The following TRAFD1 variants were observed in gnomAD, a reference collection of about 807,000 sequenced individuals.
TRAFD1 encodes TRAF-type zinc finger domain containing 1, also known as TRAF-type zinc finger domain-containing protein 1.
Under a neutral mutation model 65.3 loss-of-function variants are expected in TRAFD1, and 38 were observed. The observed-to-expected ratio is 0.58, with a 90% CI of 0.45 to 0.76. TRAFD1 has a LOEUF of 0.76. Ranked by LOEUF, TRAFD1 falls within the 30% of genes least tolerant of loss-of-function variation. TRAFD1 has a pLI of 0.00. For synonymous variants in TRAFD1, 223 were observed against 257.2 expected (o/e 0.87, Z 1.27); for missense variants, 631 against 712.6 (o/e 0.89, Z 1.30).
At position 112,148,115 on chromosome 12, in the gene TRAFD1, T is replaced by C. The variant is rs533363769; in HGVS notation, c.969T>C (p.Thr323=). 1.2e-4 allele frequency: 190 copies of C among 1,614,204 alleles called. 2 individuals are homozygous for C. The South Asian group carries it at 2.0e-3, about 17-fold the overall frequency. ...CACGTGCCTTACCTTCACTCAATAC[T>C]GGCAGCTCTTCCCCCAGAGGGGTGG... ...NPSRALPSLN[T]GSSSPRGVEE... The change falls in exon 8 of 12, where the codon ACT becomes ACC. Residue 323 remains threonine, a synonymous_variant. Transcript: ENST00000412615.
chr12:112,132,160 A>G (rs1004425271), intron 2 of TRAFD1, among the ~76,000 whole-genome samples: 1 of 152,198 alleles, frequency 6.6e-6, no homozygotes, highest in African/African-American at 2.4e-5. Context: ...TTTAATTTTC[A>G]TGGCATTTGT....
chr12:112,140,432 A>G (rs1439016876), intron 4 of TRAFD1, among the ~76,000 whole-genome samples: 5 of 151,842 alleles, frequency 3.3e-5, no homozygotes, highest in Non-Finnish European at 7.4e-5. Flanking sequence ...AAAAAAAAAA[A>G]AAAAAAGACT....
chr12:112,146,474 C>T (rs987191392), intron 7 of TRAFD1, among the ~76,000 whole-genome samples: 3 of 152,132 alleles, frequency 2.0e-5, no homozygotes, highest in Non-Finnish European at 4.4e-5. Context: ...CTCCACTATC[C>T]GTTTTGTGAT....
At chr12:112,149,658 C>T in intron 8 of TRAFD1, 93 bp from the exon 9 acceptor site, 11 of 1,528,414 alleles carry the variant, frequency 7.2e-6, no homozygotes, top group East Asian at 2.3e-5. Context: ...AGTCCCCCTC[C>T]AGATGAGGAA....
chr12:112,142,470 C>T, intron 6 of TRAFD1, among the ~76,000 whole-genome samples, 175 bp downstream of exon 6: 1 of 151,914 alleles, frequency 6.6e-6, no homozygotes, highest in East Asian at 2.0e-4. Flanking sequence ...GGCTGGAGTG[C>T]AATGTAATGA....
chr12:112,129,724 C>A (rs1432819142), intron 1 of TRAFD1, among the ~76,000 whole-genome samples: 1 of 152,084 alleles, frequency 6.6e-6, no homozygotes, highest in Non-Finnish European at 1.5e-5. Flanking sequence ...CTCACTGCAA[C>A]TTCTGACTCC....
chr12:112,140,419 C>CAAAA (rs548396276), intron 4 of TRAFD1, among the ~76,000 whole-genome samples: 1 of 69,196 alleles, frequency 1.4e-5, no homozygotes. Flanking sequence ...GACACTGTCT[C>CAAAA]AAAAAAAAAA....
Position 112,134,998 on chromosome 12 carries a change from C to A in TRAFD1, c.184-15C>A, listed in dbSNP as rs1364788959. On this transcript the variant is annotated splice_polypyrimidine_tract_variant and intron_variant, in intron 3 of 11. Transcript: ENST00000412615. ...GTCCCAAAGCCAATTTACTGATTCT[C>A]ACTTCTTACTCTAGGTGACCTGCAA... 2 of 1,614,066 alleles carry A rather than the reference C, an allele frequency of 1.2e-6. No individual in the cohort carries two copies. The highest frequency in any genetic ancestry group is 2.7e-5 in the African/African-American group (2 of 74,934).
At position 112,142,135 on chromosome 12, in the gene TRAFD1, C is replaced by G. The variant is rs778388539; in HGVS notation, c.690C>G (p.Pro230=). ...AAAGGAATAGAGGCCAACAGCCCCC[C>G]AAAGAGGGTGGTGAAGAGAGTGCAA... ...RQERNRGQQP[P]KEGGEESANL... Residue 230 remains proline, a synonymous_variant, in exon 6 of 12, where the codon CCC becomes CCG. Coordinates refer to ENST00000412615, the MANE Select transcript of TRAFD1 (RefSeq NM_006700.3). The G allele has an allele frequency of 5.0e-6, 8 of 1,613,786 alleles. No homozygotes were observed. In the African/African-American group the frequency reaches 8.0e-5, roughly 16 times the overall value.
intron 4 of TRAFD1, among the ~76,000 whole-genome samples, chr12:112,136,446 AT>A (rs927612948): frequency 1.8e-4 from 27 of 151,192 alleles, no homozygotes; most frequent in African/African-American, 5.3e-4. Context: ...TGCCTGGCTA[AT>A]TTTTTTTGTA....
intron 8 of TRAFD1, 55 bp from the exon 9 acceptor site, chr12:112,149,696 T>C: frequency 1.2e-6 from 2 of 1,608,948 alleles, no homozygotes; most frequent in Non-Finnish European, 1.7e-6. Context: ...CATCGCATGC[T>C]CTTTTCTGGG....
intron 1 of TRAFD1, among the ~76,000 whole-genome samples, chr12:112,126,803 G>A (rs1249912066): frequency 6.6e-6 from 1 of 151,942 alleles, no homozygotes; most frequent in Non-Finnish European, 1.5e-5. Context: ...ACAAGCGCCC[G>A]TCACCACGCC....
At chr12:112,126,351 G>A (rs957822539) in intron 1 of TRAFD1, among the ~76,000 whole-genome samples, 1 of 152,142 alleles carries the variant, frequency 6.6e-6, no homozygotes, top group Non-Finnish European at 1.5e-5. Context: ...CTCCTTATAA[G>A]CTTGAAGACT....
In TRAFD1 at chr12:112,130,116, C is replaced by T. The variant is rs4767389; in HGVS notation, c.-12-395C>T. 6.6e-6 allele frequency among the ~76,000 whole-genome samples: 1 copy of T among 151,534 alleles called. No homozygotes were observed. The highest frequency in any genetic ancestry group is 1.5e-5 in the Non-Finnish European group (1 of 67,998). ...TAGCTGGGACTACAGGCACACATCACCATGCCTGGGTAATTTTTTTTTTTT... is the reference window on the plus strand; with the variant it reads ...TAGCTGGGACTACAGGCACACATCATCATGCCTGGGTAATTTTTTTTTTTT... On this transcript the variant is annotated intron_variant, in intron 1 of 11. Coordinates refer to ENST00000412615, the MANE Select transcript of TRAFD1 (RefSeq NM_006700.3). The surrounding 1 kb of genome is among the most constrained non-coding windows in gnomAD (Gnocchi z 4.4).
chr12:112,136,361 C>T (rs529733352), intron 4 of TRAFD1, among the ~76,000 whole-genome samples: 1 of 150,558 alleles, frequency 6.6e-6, no homozygotes, highest in East Asian at 2.0e-4. Context: ...CTCACTGTAA[C>T]CTCCACCTCC....
chr12:112,136,134 A>G (rs577329950), intron 4 of TRAFD1, among the ~76,000 whole-genome samples: 1 of 151,632 alleles, frequency 6.6e-6, no homozygotes, highest in Non-Finnish European at 1.5e-5. Flanking sequence ...ATCTCAAAAA[A>G]AAAAAACCCA....
Position 112,153,155 on chromosome 12 carries a change from A to C in TRAFD1, c.*364A>C, listed in dbSNP as rs956554618. The C allele has an allele frequency of 9.1e-6, 2 of 220,248 alleles. No individual in the cohort carries two copies. The highest frequency in any genetic ancestry group is 4.6e-5 in the African/African-American group (2 of 43,298). The allele number at this position is 220,248 out of a possible 1,614,324, so 13.6% of individuals were successfully genotyped here. On this transcript the variant is annotated 3_prime_UTR_variant, in exon 12 of 12. Transcript: ENST00000412615. ...TTTGGAAACCTGGTAGCCACCAGTA[A>C]GGTGATTCTCTGCCCTGTTGGGGCC...
At chr12:112,128,714 G>A (rs1252728330) in intron 1 of TRAFD1, among the ~76,000 whole-genome samples, 1 of 152,004 alleles carries the variant, frequency 6.6e-6, no homozygotes, top group Non-Finnish European at 1.5e-5. Context: ...GAAAATATCA[G>A]ACAAACCCAA....
chr12:112,125,813 C>A (rs565603224), intron 1 of TRAFD1, 195 bp downstream of exon 1: 1 of 152,394 alleles, frequency 6.6e-6, no homozygotes, highest in African/African-American at 2.4e-5. Flanking sequence ...GAACCGGCGC[C>A]TTGGCAGCCC....
Sources: gnomAD v4.1 joint callset for allele counts (sites outside exome capture counted in the v4.1 genomes callset) on GRCh38, gnomAD v4.1.1 for gene constraint, Gnocchi (gnomAD v3.1) non-coding constraint, MANE v1.5 for transcripts, NCBI Gene and HGNC (gene_info 2026-07-23, HGNC 2026-07-21) for gene names.